Variants in ARHGAP42 observed in about 807,000 individuals in gnomAD.
ARHGAP42 encodes the protein Rho GTPase activating protein 42.
ARHGAP42 carries 63 observed loss-of-function variants against 125.0 expected under a neutral mutation model. The ratio of observed to expected loss-of-function variants is 0.50; its 90% CI spans 0.41 to 0.62. ARHGAP42 has a LOEUF of 0.62. Among genes scored for constraint, ARHGAP42 ranks in the 20% least tolerant of loss-of-function variants. The probability of loss-of-function intolerance (pLI) is 0.00; values close to 1 mark genes in which losing one functional copy is unlikely to be tolerated. For synonymous variants in ARHGAP42, 339 were observed against 351.0 expected (o/e 0.97, Z 0.38); for missense variants, 766 against 1,024.2 (o/e 0.75, Z 3.44).
intron 3 of ARHGAP42, among the ~76,000 whole-genome samples, chr11:100,856,535 T>A (rs1196340781): frequency 6.6e-6 from 1 of 152,070 alleles, no homozygotes; most frequent in African/African-American, 2.4e-5. Flanking sequence ...CTCTTGAATT[T>A]AAATTTACAT....
chr11:100,828,094 AT>A (rs1227682174), intron 3 of ARHGAP42, among the ~76,000 whole-genome samples: 5 of 152,190 alleles, frequency 3.3e-5, no homozygotes, highest in Non-Finnish European at 5.9e-5. Context: ...GGCTCTTAAC[AT>A]TCCAGGGGTC....
At chr11:100,735,002 AAACAAC>A (rs201001433) in intron 1 of ARHGAP42, among the ~76,000 whole-genome samples, 3 of 151,802 alleles carry the variant, frequency 2.0e-5, no homozygotes, top group Non-Finnish European at 4.4e-5. Flanking sequence ...TACAACAACA[AAACAAC>A]AACAACAACA....
intron 1 of ARHGAP42, among the ~76,000 whole-genome samples, chr11:100,761,142 A>AT (rs768681178): frequency 1.3e-5 from 2 of 152,168 alleles, no homozygotes; most frequent in Non-Finnish European, 2.9e-5. Context: ...GAAAAAAAAA[A>AT]GGTAAAGGAG....
intron 2 of ARHGAP42, among the ~76,000 whole-genome samples, chr11:100,781,638 C>G (rs887824759): frequency 1.3e-5 from 2 of 152,004 alleles, no homozygotes; most frequent in African/African-American, 2.4e-5. Flanking sequence ...GGTTTGTATT[C>G]TTGTCAGAGG....
At chr11:100,824,794 A>C (rs1864478479) in intron 3 of ARHGAP42, among the ~76,000 whole-genome samples, 1 of 152,208 alleles carries the variant, frequency 6.6e-6, no homozygotes, top group Non-Finnish European at 1.5e-5. Flanking sequence ...TTTGACATCC[A>C]AGTTTTGAAT....
intron 1 of ARHGAP42, among the ~76,000 whole-genome samples, chr11:100,701,987 C>G (rs1861404975): frequency 6.6e-6 from 1 of 151,888 alleles, no homozygotes; most frequent in African/African-American, 2.4e-5. Flanking sequence ...ATCATTTTAT[C>G]TTTAAAGTGA....
intron 17 of ARHGAP42, among the ~76,000 whole-genome samples, chr11:100,967,503 A>G (rs1858124586): frequency 6.6e-6 from 1 of 152,166 alleles, no homozygotes; most frequent in Non-Finnish European, 1.5e-5. Context: ...GATATTTGCT[A>G]GTGGTATTAA....
At chr11:100,775,908 C>T (rs1863107687) in intron 2 of ARHGAP42, among the ~76,000 whole-genome samples, 1 of 151,944 alleles carries the variant, frequency 6.6e-6, no homozygotes. Context: ...GCTTGTAATC[C>T]CAGCACTTTG....
chr11:100,757,381 C>T (rs900991458), intron 1 of ARHGAP42, among the ~76,000 whole-genome samples: 3 of 152,084 alleles, frequency 2.0e-5, no homozygotes, highest in Non-Finnish European at 4.4e-5. Context: ...AGATAATTAC[C>T]TACACAGCTT....
At chr11:100,983,154 G>T (rs1042468708) in intron 22 of ARHGAP42, among the ~76,000 whole-genome samples, 11 of 151,964 alleles carry the variant, frequency 7.2e-5, no homozygotes, top group Non-Finnish European at 1.5e-4. Flanking sequence ...GATCTTTAAG[G>T]ATCCCCAAAG....
chr11:100,729,845 C>G (rs563892678), intron 1 of ARHGAP42, among the ~76,000 whole-genome samples: 198 of 136,284 alleles, frequency 1.5e-3, no homozygotes, highest in Non-Finnish European at 2.5e-3. Context: ...GAGTTTTGCT[C>G]TTGTTGCCAG....
chr11:100,725,322 C>T (rs1239423267), intron 1 of ARHGAP42, among the ~76,000 whole-genome samples: 9 of 151,866 alleles, frequency 5.9e-5, no homozygotes, highest in Admixed American at 5.9e-4. Flanking sequence ...AGGCGCACAC[C>T]ACCACGCCCA....
At chr11:100,821,526 A>G (rs893965764) in intron 3 of ARHGAP42, among the ~76,000 whole-genome samples, 1 of 151,934 alleles carries the variant, frequency 6.6e-6, no homozygotes, top group Non-Finnish European at 1.5e-5. Context: ...CAGTAGGAGT[A>G]AAATGTGGCT....
At chr11:100,846,432 A>C (rs1330950429) in intron 3 of ARHGAP42, among the ~76,000 whole-genome samples, 2 of 152,276 alleles carry the variant, frequency 1.3e-5, no homozygotes, top group East Asian at 3.9e-4. Context: ...GACATTGTCC[A>C]TCTTTATCAT....
chr11:100,783,037 A>G (rs1863351572), intron 2 of ARHGAP42, among the ~76,000 whole-genome samples: 1 of 152,226 alleles, frequency 6.6e-6, no homozygotes. Flanking sequence ...GGGCTCTACC[A>G]TAGGCCTGAA....
chr11:100,804,001 A>T (rs1863927623), intron 3 of ARHGAP42, among the ~76,000 whole-genome samples: 1 of 151,956 alleles, frequency 6.6e-6, no homozygotes, highest in South Asian at 2.1e-4. Flanking sequence ...AGAACTGTAT[A>T]TTTTTTTAGA....
chr11:100,992,118 A>G lies in ARHGAP42; in HGVS notation c.*3317A>G, dbSNP rs1858845727. On this transcript the variant is annotated 3_prime_UTR_variant, in exon 24 of 24. Transcript: ENST00000298815. ...CATTCATGTGGTTTCAGTTTAGAAG[A>G]GTCCCTCAGAGCTTTGCCTCAAGCA... is the stretch of plus-strand genomic sequence containing the variant. 1.7e-6 allele frequency: 1 copy of G among 596,924 alleles called. No homozygotes were observed. The highest frequency in any genetic ancestry group is 1.9e-5 in the African/African-American group (1 of 53,940). The allele number at this position is 596,924 out of a possible 1,614,324, so 37.0% of individuals were successfully genotyped here. A position where few individuals can be genotyped will look rare whatever the true frequency, so the allele number is the denominator to read the frequency against.
At chr11:100,873,282 C>T (rs1022877300) in intron 4 of ARHGAP42, among the ~76,000 whole-genome samples, 3 of 152,034 alleles carry the variant, frequency 2.0e-5, no homozygotes, top group Admixed American at 6.5e-5. Flanking sequence ...GAGAATGAAC[C>T]GCATTAAGAA....
intron 4 of ARHGAP42, among the ~76,000 whole-genome samples, chr11:100,902,690 G>A (rs1214375501): frequency 6.6e-6 from 1 of 152,066 alleles, no homozygotes; most frequent in Non-Finnish European, 1.5e-5. Flanking sequence ...CCTGGTTCCA[G>A]TGCAGACTCC....
Sources: allele counts gnomAD v4.1 joint callset (sites outside exome capture counted in the v4.1 genomes callset), GRCh38; gene constraint gnomAD v4.1.1; transcripts MANE v1.5; gene names NCBI Gene and HGNC (gene_info 2026-07-23, HGNC 2026-07-21).